UNC5C: variants seen among roughly 807,000 people sequenced by gnomAD.
UNC5C encodes unc-5 netrin receptor C.
UNC5C carries 47 observed loss-of-function variants against 99.8 expected under a neutral mutation model. That is an observed-to-expected ratio of 0.47 (90% CI 0.37 to 0.60). The LOEUF (loss-of-function observed/expected upper bound fraction) is 0.60, where lower values mean the gene tolerates loss of function less well. UNC5C is among the 20% of genes least tolerant of loss of function. UNC5C has a pLI of 0.00. For synonymous variants in UNC5C, 487 were observed against 452.2 expected, an observed-to-expected ratio of 1.08 and a Z score of -0.98; for missense variants, 1,062 against 1,165.9, an observed-to-expected ratio of 0.91 and a Z score of 1.30.
chr4:95,483,488 TG>T, intron 1 of UNC5C, among the ~76,000 whole-genome samples: 1 of 151,984 alleles, frequency 6.6e-6, no homozygotes, highest in South Asian at 2.1e-4. Context: ...CTACAATTTT[TG>T]TATATAAAAT....
intron 1 of UNC5C, among the ~76,000 whole-genome samples, chr4:95,340,522 T>TC (rs1473856145): frequency 6.6e-5 from 10 of 152,014 alleles, no homozygotes; most frequent in South Asian, 2.1e-4. Context: ...TAAAATATCC[T>TC]CAGGAAGACA....
intron 1 of UNC5C, among the ~76,000 whole-genome samples, chr4:95,396,523 T>G (rs1745515065): frequency 6.6e-6 from 1 of 152,134 alleles, no homozygotes; most frequent in African/African-American, 2.4e-5. Flanking sequence ...CAGGGATGGC[T>G]TGAACCCGAC....
intron 7 of UNC5C, among the ~76,000 whole-genome samples, chr4:95,220,884 A>G (rs1179490746): frequency 1.3e-5 from 2 of 152,196 alleles, no homozygotes; most frequent in African/African-American, 4.8e-5. Context: ...CCCCTGTCAG[A>G]GATTTACATT....
At chr4:95,249,449 C>T (rs989951952) in intron 5 of UNC5C, among the ~76,000 whole-genome samples, 2 of 152,194 alleles carry the variant, frequency 1.3e-5, no homozygotes, top group Non-Finnish European at 2.9e-5. Flanking sequence ...CCTCTAAATA[C>T]TTCCCAGGTT....
intron 1 of UNC5C, among the ~76,000 whole-genome samples, chr4:95,537,635 GA>G (rs1387297518): frequency 3.9e-5 from 6 of 152,194 alleles, no homozygotes; most frequent in African/African-American, 1.4e-4. Flanking sequence ...TTCAAAAGAT[GA>G]AAAAATGTAT....
chr4:95,248,763 CA>C (rs1363663509), intron 5 of UNC5C: 3 of 330,690 alleles, frequency 9.1e-6, no homozygotes, highest in Non-Finnish European at 1.8e-5. Flanking sequence ...AAGGTTATAA[CA>C]AAGCTGAGAA....
intron 1 of UNC5C, among the ~76,000 whole-genome samples, chr4:95,407,602 T>C (rs148394347): frequency 6.6e-6 from 1 of 152,156 alleles, no homozygotes; most frequent in Non-Finnish European, 1.5e-5. Flanking sequence ...ATACATTAAT[T>C]TTAGTATGTA....
intron 1 of UNC5C, among the ~76,000 whole-genome samples, chr4:95,537,777 T>A (rs1722819172): frequency 1.3e-5 from 2 of 152,154 alleles, no homozygotes; most frequent in Admixed American, 1.3e-4. Context: ...TTAGGACACA[T>A]TCCTGTTTTT....
chr4:95,342,880 G>T (rs1743630998), intron 1 of UNC5C, among the ~76,000 whole-genome samples: 1 of 152,018 alleles, frequency 6.6e-6, no homozygotes, highest in Admixed American at 6.6e-5. Flanking sequence ...AGCAGTACTT[G>T]CTGTGGGCCT....
rs375108040 is a variant in UNC5C, at chr4:95,369,464, A to G, written c.125-33833T>C. 1.6e-4 allele frequency among the ~76,000 whole-genome samples: 24 copies of G among 152,024 alleles called. No homozygotes were observed. In the South Asian group the frequency reaches 4.4e-3, roughly 28 times the overall value. On this transcript the variant is annotated intron_variant, in intron 1 of 15. Transcript: ENST00000453304. Reference sequence around the variant, plus strand: ...CTACTTGGGAGGCTGAGGTGGGAGGATGGCTTGAGCCCAGGAGGCAGAGAT... The same window carrying G: ...CTACTTGGGAGGCTGAGGTGGGAGGGTGGCTTGAGCCCAGGAGGCAGAGAT...
chr4:95,461,027 G>T (rs1476027092), intron 1 of UNC5C, among the ~76,000 whole-genome samples: 1 of 152,050 alleles, frequency 6.6e-6, no homozygotes, highest in South Asian at 2.1e-4. Flanking sequence ...CTGATATTTT[G>T]GCATATTAAA....
At chr4:95,261,445 C>T (rs1358910973) in intron 4 of UNC5C, among the ~76,000 whole-genome samples, 6 of 152,136 alleles carry the variant, frequency 3.9e-5, no homozygotes, top group Admixed American at 1.3e-4. Flanking sequence ...TTAAGAGAGA[C>T]CAATTTTAAA....
chr4:95,445,113 C>T (rs561893430), intron 1 of UNC5C, among the ~76,000 whole-genome samples: 1 of 152,146 alleles, frequency 6.6e-6, no homozygotes, highest in Admixed American at 6.5e-5. Context: ...TATTAGTTGC[C>T]TTTTGCTTTT....
rs114069102 is a variant in UNC5C, at chr4:95,355,874, G to A, written c.125-20243C>T. Among the ~76,000 whole-genome samples, 404 of 151,992 alleles carry A rather than the reference G, an allele frequency of 2.7e-3. 1 individual carries two copies. The highest frequency in any genetic ancestry group is 8.4e-3 in the African/African-American group (347 of 41,456). ...TTTTACTACTTTTAATAAACAATACGTTAGTTTTTGTGTTAATGCCTTGTT... is the reference window on the plus strand; with the variant it reads ...TTTTACTACTTTTAATAAACAATACATTAGTTTTTGTGTTAATGCCTTGTT... On this transcript the variant is annotated intron_variant, in intron 1 of 15. Coordinates refer to ENST00000453304, the MANE Select transcript of UNC5C (RefSeq NM_003728.4).
intron 1 of UNC5C, among the ~76,000 whole-genome samples, chr4:95,467,134 C>T (rs1747807169): frequency 6.6e-6 from 1 of 152,124 alleles, no homozygotes; most frequent in South Asian, 2.1e-4. Context: ...GGCTCTGGCC[C>T]CTGCTGACAG....
chr4:95,542,407 T>C (rs1722942329), intron 1 of UNC5C, among the ~76,000 whole-genome samples: 1 of 152,176 alleles, frequency 6.6e-6, no homozygotes, highest in Admixed American at 6.5e-5. Context: ...ATAAAAGCTA[T>C]ACTGACCTAA....
rs1379243644 is a variant in UNC5C at position 95,175,378 on chromosome 4, G to C, written c.2452-5046C>G. ...TTTTGGCATGATTTTGCAGTGGCTG[G>C]TACCGGTTGTTCCTTTCCATGTTTA... On this transcript the variant is annotated intron_variant, in intron 14 of 15. Transcript: ENST00000453304. Among the ~76,000 whole-genome samples, 761 of 151,926 alleles carry C rather than the reference G, an allele frequency of 5.0e-3. 5 individuals carry two copies. Among genetic ancestry groups the C allele is most frequent in the African/African-American group, 0.017 (721 of 41,448 alleles).
At chr4:95,404,183 A>G (rs1745773041) in intron 1 of UNC5C, among the ~76,000 whole-genome samples, 1 of 152,176 alleles carries the variant, frequency 6.6e-6, no homozygotes, top group African/African-American at 2.4e-5. Flanking sequence ...TCTTGGGGAG[A>G]GGTCCAGGTA....
At chr4:95,229,797 CTTTTTTTTTTTTTTT>C (rs71583694) in intron 7 of UNC5C, among the ~76,000 whole-genome samples, 1 of 79,534 alleles carries the variant, frequency 1.3e-5, no homozygotes, top group Non-Finnish European at 2.3e-5. Context: ...CTGTTGTTTC[CTTTTTTTTTTTTTTT>C]TTTTTTTTTT....
Sources: gnomAD v4.1 joint callset for allele counts (sites outside exome capture counted in the v4.1 genomes callset) on GRCh38, gnomAD v4.1.1 for gene constraint, MANE v1.5 for transcripts, NCBI Gene and HGNC (gene_info 2026-07-23, HGNC 2026-07-21) for gene names.